Variants in PLAAT2 observed in about 807,000 individuals in gnomAD.
PLAAT2 encodes phospholipase A and acyltransferase 2.
Under a neutral mutation model 12.8 loss-of-function variants are expected in PLAAT2, and 12 were observed. The observed-to-expected ratio is 0.94, with a 90% CI of 0.60 to 1.52. The LOEUF (loss-of-function observed/expected upper bound fraction) is 1.52. PLAAT2 is among the 40% of genes most tolerant of loss of function. PLAAT2 has a pLI of 0.00. For missense variants in PLAAT2, 166 were observed against 208.1 expected (o/e 0.80, Z 1.24); for synonymous variants, 79 against 86.8 (o/e 0.91, Z 0.50).
upstream of PLAAT2, chr11:63,563,389 T>C (rs2017535975): frequency 4.4e-6 from 7 of 1,606,188 alleles, no homozygotes; most frequent in Non-Finnish European, 6.0e-6. Flanking sequence ...TAGCTCTGAG[T>C]TTCACTTTCC....
At chr11:63,561,860 G>A (rs2134374880) in intron 1 of PLAAT2, among the ~76,000 whole-genome samples, 1 of 151,676 alleles carries the variant, frequency 6.6e-6, no homozygotes, top group Non-Finnish European at 1.5e-5. Flanking sequence ...GGGACAATTT[G>A]AGCATCAAAA....
rs1285146524 is a variant in PLAAT2 at position 63,558,645 on chromosome 11, G to T, written c.134C>A (p.Ala45Asp). 2 of 1,614,222 alleles carry T rather than the reference G, an allele frequency of 1.2e-6. No individual in the cohort carries two copies. The highest frequency in any genetic ancestry group is 1.1e-5 in the South Asian group (1 of 91,086). The part of the protein sequence containing the change: ...HLAPASEIAG[A>D]GAASVLSALT... ...GGCAGACAGGACACTGGCCGCACCA[G>T]CTCCAGCAATTTCACCTGTGCAAAC... The change falls in exon 3 of 4, where the codon GCT becomes GAT. Residue 45 changes from alanine (A) to aspartate (D), a missense_variant. Ala to Asp is a moderately radical substitution (Grantham distance 126, BLOSUM62 -2). Coordinates refer to ENST00000255695, the MANE Select transcript of PLAAT2 (RefSeq NM_017878.2).
chr11:63,553,848 A>G (rs1388619843), intron 3 of PLAAT2, among the ~76,000 whole-genome samples: 1 of 152,144 alleles, frequency 6.6e-6, no homozygotes, highest in Non-Finnish European at 1.5e-5. Context: ...TCAATGTCCC[A>G]GGTGCTGATC....
intron 3 of PLAAT2, among the ~76,000 whole-genome samples, chr11:63,555,753 T>C (rs909356809): frequency 1.3e-5 from 2 of 152,140 alleles, no homozygotes; most frequent in Admixed American, 1.3e-4. Flanking sequence ...TATATGCAAA[T>C]ATCATACCAT....
chr11:63,562,888 G>C (rs2017530964), intron 1 of PLAAT2, among the ~76,000 whole-genome samples: 1 of 152,142 alleles, frequency 6.6e-6, no homozygotes. Context: ...CACCCACACA[G>C]CTGGAGCCCT....
chr11:63,559,203 C>T (rs557909720), intron 2 of PLAAT2, among the ~76,000 whole-genome samples: 2 of 152,228 alleles, frequency 1.3e-5, no homozygotes, highest in East Asian at 1.9e-4. Flanking sequence ...ACTCCGGGGG[C>T]GAGGCTGGAG....
rs533689704 is a variant in PLAAT2, at chr11:63,552,783, G to A, written c.*181C>T. The A allele has an allele frequency of 1.1e-4, 63 of 576,456 alleles. No homozygotes were observed. In the African/African-American group the frequency reaches 1.1e-3, roughly 10 times the overall value. The allele number at this position is 576,456 out of a possible 1,614,324, so 35.7% of individuals were successfully genotyped here. On this transcript the variant is annotated 3_prime_UTR_variant, in exon 4 of 4. Coordinates refer to ENST00000255695, the MANE Select transcript of PLAAT2 (RefSeq NM_017878.2). ...ATTCAGTCCATAGCAGAGCCCAATT[G>A]TGTCTTTAATAGAATTCATACTAAG... is the stretch of plus-strand genomic sequence containing the variant.
Position 63,558,598 on chromosome 11 carries a change from T to C in PLAAT2, c.181A>G (p.Lys61Glu). The C allele has an allele frequency of 2.5e-6, 4 of 1,614,208 alleles. No individual in the cohort carries two copies. The highest frequency in any genetic ancestry group is 3.4e-6 in the Non-Finnish European group (4 of 1,180,038). ...LSALTNKAIV[K>E]KELLSVVAGG... is the part of the protein sequence containing the mutation. ...GCCACCACAGACAGCAGTTCCTTCTTCACTATGGCTTTGTTGGTCAGGGCA... is the reference window on the plus strand; with the variant it reads ...GCCACCACAGACAGCAGTTCCTTCTCCACTATGGCTTTGTTGGTCAGGGCA... Residue 61 changes from lysine (K) to glutamate (E), a missense_variant, in exon 3 of 4, where the codon AAG becomes GAG. Transcript: ENST00000255695.
At chr11:63,559,124 A>G (rs1590670690) in intron 2 of PLAAT2, among the ~76,000 whole-genome samples, 1 of 151,978 alleles carries the variant, frequency 6.6e-6, no homozygotes, top group Non-Finnish European at 1.5e-5. Context: ...ATATGCTAAA[A>G]CTCCTGTCTC....
intron 1 of PLAAT2, among the ~76,000 whole-genome samples, chr11:63,561,644 C>CAAAA (rs61140464): frequency 1.1e-4 from 4 of 35,996 alleles, no homozygotes; most frequent in East Asian, 1.9e-3. Context: ...GACTCCATCA[C>CAAAA]AAAAAAAAAA....
Position 63,558,550 on chromosome 11 carries a change from T to C in PLAAT2, c.229A>G (p.Asn77Asp), listed in dbSNP as rs1480200712. 4 of 1,614,140 alleles carry C rather than the reference T, an allele frequency of 2.5e-6. No homozygotes were observed. The highest frequency in any genetic ancestry group is 3.4e-6 in the Non-Finnish European group (4 of 1,180,048). Residue 77 changes from asparagine (N) to aspartate (D), a missense_variant, in exon 3 of 4, where the codon AAT (asparagine) becomes GAT (aspartate). Transcript: ENST00000255695. ...GTGTATCTGTCATCGTGCTTGTTAT[T>C]GACCCTGTAGTTGTCTCCCCCAGCC... ...VVAGGDNYRV[N>D]NKHDDRYTPL...
intron 3 of PLAAT2, among the ~76,000 whole-genome samples, chr11:63,554,686 A>G (rs1427928217): frequency 3.3e-5 from 5 of 151,962 alleles, no homozygotes; most frequent in Non-Finnish European, 7.4e-5. Context: ...GACAAGTGAC[A>G]AGGCTCAGAT....
chr11:63,553,825 G>A lies in PLAAT2; in HGVS notation c.388-760C>T, dbSNP rs74875355. The stretch of plus-strand genomic sequence containing the variant: ...ACACAGGCTTGAGGGCAGGGAGCTC[G>A]CCTGGATTGGTCTCAATGTCCCAGG... On this transcript the variant is annotated intron_variant, in intron 3 of 3. Transcript: ENST00000255695. Among the ~76,000 whole-genome samples the A allele has an allele frequency of 7.6e-3, 1,159 of 152,212 alleles. 10 individuals carry two copies. Among genetic ancestry groups the A allele is most frequent in the East Asian group, 0.034 (176 of 5,182 alleles).
chr11:63,563,227 G>T, intron 1 of PLAAT2, 89 bp downstream of exon 1: 1 of 1,494,846 alleles, frequency 6.7e-7, no homozygotes. Context: ...CCATGCCAGA[G>T]CTGTAGACCA....
chr11:63,554,850 A>T (rs1023015827), intron 3 of PLAAT2, among the ~76,000 whole-genome samples: 1 of 152,222 alleles, frequency 6.6e-6, no homozygotes, highest in Non-Finnish European at 1.5e-5. Context: ...AAACCATTTT[A>T]TTCAAATACA....
At chr11:63,564,985 C>T (rs563311427), upstream of PLAAT2, among the ~76,000 whole-genome samples, 2 of 152,096 alleles carry the variant, frequency 1.3e-5, no homozygotes, top group East Asian at 1.9e-4. Context: ...TGGCTTTTCA[C>T]CGAATCCAAG....
chr11:63,559,016 A>G (rs1382402348), intron 2 of PLAAT2, among the ~76,000 whole-genome samples: 1 of 152,224 alleles, frequency 6.6e-6, no homozygotes, highest in East Asian at 1.9e-4. Flanking sequence ...TGTGGCTTAG[A>G]AAAAGTCACT....
chr11:63,563,673 G>A (rs534949499), upstream of PLAAT2, among the ~76,000 whole-genome samples: 7 of 144,802 alleles, frequency 4.8e-5, no homozygotes, highest in Admixed American at 7.4e-5. Flanking sequence ...AGCAGAGGTC[G>A]TGCCACTGCA....
intron 3 of PLAAT2, among the ~76,000 whole-genome samples, chr11:63,557,087 T>C (rs747641486): frequency 1.2e-4 from 19 of 152,198 alleles, no homozygotes; most frequent in Non-Finnish European, 2.4e-4. Context: ...GAGCTAAATG[T>C]GCAACTCCAA....
Sources: gnomAD v4.1 joint callset for allele counts (sites outside exome capture counted in the v4.1 genomes callset) on GRCh38, gnomAD v4.1.1 for gene constraint, MANE v1.5 for transcripts, NCBI Gene and HGNC (gene_info 2026-07-23, HGNC 2026-07-21) for gene names.